The following IMPA1 variants were observed in gnomAD, a reference collection of about 807,000 sequenced individuals.
IMPA1 encodes D-galactose 1-phosphate phosphatase.
In IMPA1, 21 loss-of-function variants were observed where a neutral mutation model predicts 34.9. The ratio of observed to expected loss-of-function variants is 0.60; its 90% CI spans 0.43 to 0.87. The LOEUF (loss-of-function observed/expected upper bound fraction) is 0.87, where lower values mean the gene tolerates loss of function less well. IMPA1 is among the 40% of genes least tolerant of loss of function. IMPA1 has a pLI of 0.00. For synonymous variants in IMPA1, 95 were observed against 104.4 expected (o/e 0.91, Z 0.55); for missense variants, 299 against 336.4 (o/e 0.89, Z 0.87).
intron 1 of IMPA1, chr8:81,685,748 C>G: frequency 6.7e-7 from 1 of 1,489,374 alleles, no homozygotes. Flanking sequence ...TGGGCAGGGT[C>G]CGTAGTTTAC....
At chr8:81,676,930 G>C (rs570059341) in intron 4 of IMPA1, among the ~76,000 whole-genome samples, 115 of 152,220 alleles carry the variant, frequency 7.6e-4, no homozygotes, top group African/African-American at 2.7e-3. Context: ...GAAGGTCAAG[G>C]CTGCAGTGAG....
At chr8:81,661,830 GTCA>G (rs1385251363) in intron 7 of IMPA1, among the ~76,000 whole-genome samples, 2 of 152,088 alleles carry the variant, frequency 1.3e-5, no homozygotes, top group African/African-American at 2.4e-5. Flanking sequence ...GAAGACAAAC[GTCA>G]TCATGTCTAC....
intron 6 of IMPA1, among the ~76,000 whole-genome samples, chr8:81,672,492 G>C (rs1807014023): frequency 6.6e-6 from 1 of 152,188 alleles, no homozygotes; most frequent in East Asian, 1.9e-4. Flanking sequence ...ATTCAACAGT[G>C]TATAGCCAAT....
intron 7 of IMPA1, among the ~76,000 whole-genome samples, chr8:81,667,234 T>C (rs1806855619): frequency 6.6e-6 from 1 of 152,232 alleles, no homozygotes; most frequent in Middle Eastern, 3.4e-3. Flanking sequence ...CAAAAATTGA[T>C]CACAGAACAG....
chr8:81,672,652 T>C (rs767325542), intron 6 of IMPA1, among the ~76,000 whole-genome samples: 7 of 152,210 alleles, frequency 4.6e-5, no homozygotes, highest in Admixed American at 2.0e-4. Context: ...TAGAAGTGTG[T>C]CCTGGGCTGC....
At chr8:81,677,963 T>C (rs1807176706) in intron 4 of IMPA1, among the ~76,000 whole-genome samples, 1 of 152,206 alleles carries the variant, frequency 6.6e-6, no homozygotes, top group Non-Finnish European at 1.5e-5. Flanking sequence ...ATCATATACC[T>C]ACTCTGTGTC....
intron 6 of IMPA1, among the ~76,000 whole-genome samples, chr8:81,673,029 T>G (rs75980319): frequency 0.051 from 7,758 of 152,288 alleles, 222 homozygotes; most frequent in Middle Eastern, 0.14. Context: ...TGCCTCCCAT[T>G]TAATTCCTAA....
At chr8:81,667,097 G>T (rs1806850740) in intron 7 of IMPA1, among the ~76,000 whole-genome samples, 1 of 151,988 alleles carries the variant, frequency 6.6e-6, no homozygotes, top group South Asian at 2.1e-4. Context: ...TGATACATCA[G>T]AGACTCTCAG....
At chr8:81,680,328 C>T (rs1270110018) in intron 3 of IMPA1, among the ~76,000 whole-genome samples, 1 of 152,178 alleles carries the variant, frequency 6.6e-6, no homozygotes, top group Non-Finnish European at 1.5e-5. Flanking sequence ...CTGTTTCTCC[C>T]TTCCTGTGCC....
intron 3 of IMPA1, 59 bp downstream of exon 3, chr8:81,680,591 C>A (rs903264850): frequency 1.9e-5 from 25 of 1,335,068 alleles, no homozygotes; most frequent in Non-Finnish European, 2.5e-5. Context: ...CTCTCATATG[C>A]AGAACCCCAA....
intron 1 of IMPA1, among the ~76,000 whole-genome samples, chr8:81,684,921 T>C: frequency 1.5e-5 from 2 of 132,620 alleles, no homozygotes; most frequent in Non-Finnish European, 1.6e-5. Context: ...TTAGATACTA[T>C]GTATAGTATA....
At chr8:81,685,616 T>TA (rs1807492065) in intron 1 of IMPA1, 1 of 236,246 alleles carries the variant, frequency 4.2e-6, no homozygotes. Context: ...ATATATACTA[T>TA]ACATAAGTAT....
intron 7 of IMPA1, among the ~76,000 whole-genome samples, chr8:81,664,863 A>G (rs1316237454): frequency 1.3e-5 from 2 of 151,800 alleles, no homozygotes; most frequent in Non-Finnish European, 2.9e-5. Flanking sequence ...AACTTAAAGT[A>G]TAATAATAAC....
chr8:81,685,958 T>G (rs1489187393), intron 1 of IMPA1: 4 of 1,502,206 alleles, frequency 2.7e-6, no homozygotes, highest in Non-Finnish European at 3.6e-6. Flanking sequence ...ACCAAGTTTC[T>G]AGGAGCTTTT....
At position 81,656,937 on chromosome 8, in the gene IMPA1, T is replaced by A. The variant is rs1806535345; in HGVS notation, c.*2414A>T. Among the ~76,000 whole-genome samples the A allele has an allele frequency of 6.6e-6, 1 of 152,230 alleles. No individual in the cohort carries two copies. The highest frequency in any genetic ancestry group is 2.4e-5 in the African/African-American group (1 of 41,460). On this transcript the variant is annotated 3_prime_UTR_variant, in exon 9 of 9. Transcript: ENST00000256108. ...CGTTAAAAGGCAAGTACATATATTT[T>A]ATGTGTTCAAGTACATATATTTATG...
chr8:81,678,055 C>A (rs1339607741), intron 4 of IMPA1, among the ~76,000 whole-genome samples: 1 of 152,172 alleles, frequency 6.6e-6, no homozygotes, highest in Non-Finnish European at 1.5e-5. Flanking sequence ...ATTAATACGG[C>A]CTTTTTATAA....
At chr8:81,669,594 T>C (rs1206665988) in intron 7 of IMPA1, among the ~76,000 whole-genome samples, 1 of 152,234 alleles carries the variant, frequency 6.6e-6, no homozygotes, top group African/African-American at 2.4e-5. Flanking sequence ...GTGTCACTAT[T>C]GTATCTTTGA....
At chr8:81,668,778 TGAAA>T (rs773259746) in intron 7 of IMPA1, among the ~76,000 whole-genome samples, 30 of 151,854 alleles carry the variant, frequency 2.0e-4, no homozygotes, top group Admixed American at 1.3e-4. Flanking sequence ...CTAAAGACAA[TGAAA>T]GAAAGAACCC....
chr8:81,684,140 C>T (rs934324397), intron 1 of IMPA1, among the ~76,000 whole-genome samples: 4 of 115,876 alleles, frequency 3.5e-5, no homozygotes, highest in Non-Finnish European at 3.9e-5. Context: ...TACACACATA[C>T]ACACACACAC....
Sources: gnomAD v4.1 joint callset for allele counts (sites outside exome capture counted in the v4.1 genomes callset) on GRCh38, gnomAD v4.1.1 for gene constraint, MANE v1.5 for transcripts, NCBI Gene and HGNC (gene_info 2026-07-23, HGNC 2026-07-21) for gene names.